Variants in AKR1D1 observed in about 807,000 individuals in gnomAD.
The protein encoded by AKR1D1 is aldo-keto reductase family 1 member D1, also known as delta(4)-3-ketosteroid 5-beta-reductase.
AKR1D1 carries 32 observed loss-of-function variants against 42.6 expected under a neutral mutation model. The observed-to-expected ratio is 0.75, with a 90% CI of 0.57 to 1.01. AKR1D1 has a LOEUF of 1.01. AKR1D1 is among the 50% of genes least tolerant of loss of function. The pLI is 0.00. For missense variants in AKR1D1, 364 were observed against 402.2 expected, an observed-to-expected ratio of 0.91 and a Z score of 0.81; for synonymous variants, 123 against 135.5, an observed-to-expected ratio of 0.91 and a Z score of 0.64.
intron 4 of AKR1D1, among the ~76,000 whole-genome samples, chr7:138,104,299 G>A (rs1794372848): frequency 6.6e-6 from 1 of 152,084 alleles, no homozygotes; most frequent in South Asian, 2.1e-4. Context: ...TATAACATGT[G>A]TGTATGTATA....
chr7:138,116,060 C>A (rs1794627041), intron 8 of AKR1D1, among the ~76,000 whole-genome samples: 1 of 147,756 alleles, frequency 6.8e-6, no homozygotes, highest in South Asian at 2.1e-4. Context: ...TACCTATAAT[C>A]CCTGCTACTT....
Position 138,116,720 on chromosome 7 carries a change from G to C in AKR1D1, c.*58G>C, listed in dbSNP as rs80147006. The C allele has an allele frequency of 0.02, 28,990 of 1,465,660 alleles. 349 individuals are homozygous for C. Among genetic ancestry groups the C allele is most frequent in the Non-Finnish European group, 0.024 (25,604 of 1,045,402 alleles). 90.8% of individuals were successfully genotyped at this position (1,465,660 alleles called of 1,614,324 possible). On this transcript the variant is annotated 3_prime_UTR_variant, in exon 9 of 9. Transcript: ENST00000242375. The stretch of plus-strand genomic sequence containing the variant: ...CCACGAGTGCCAAGACGGTGCAATG[G>C]GTAGTCCCCTAGATGTGAAAATGAA...
At chr7:138,083,762 G>C (rs79115045) in intron 1 of AKR1D1, among the ~76,000 whole-genome samples, 2,832 of 152,106 alleles carry the variant, frequency 0.019, 93 homozygotes, top group African/African-American at 0.064. Context: ...GACTTTTTGT[G>C]TATGGTGTAA....
At chr7:138,113,268 A>G (rs1794569070) in intron 7 of AKR1D1, among the ~76,000 whole-genome samples, 1 of 151,992 alleles carries the variant, frequency 6.6e-6, no homozygotes, top group Non-Finnish European at 1.5e-5. Context: ...GTGAGCCAAG[A>G]TGATACCACA....
At chr7:138,087,601 A>T (rs773081957) in intron 1 of AKR1D1, among the ~76,000 whole-genome samples, 7 of 152,210 alleles carry the variant, frequency 4.6e-5, no homozygotes, top group Non-Finnish European at 7.3e-5. Context: ...AGTATGACAT[A>T]TATACATCTG....
chr7:138,093,128 G>A (rs144886403), intron 3 of AKR1D1, among the ~76,000 whole-genome samples: 3,018 of 149,842 alleles, frequency 0.02, 296 homozygotes, highest in Admixed American at 0.17. Context: ...AAGTGCAGTG[G>A]TGCCATCTCG....
chr7:138,101,991 A>C (rs1794327843), intron 4 of AKR1D1, among the ~76,000 whole-genome samples: 1 of 152,198 alleles, frequency 6.6e-6, no homozygotes, highest in Non-Finnish European at 1.5e-5. Flanking sequence ...CAGGTGGATC[A>C]CATGAGGCCA....
intron 6 of AKR1D1, 154 bp from the exon 7 acceptor site, chr7:138,107,261 T>C (rs759681646): frequency 4.8e-6 from 4 of 827,354 alleles, no homozygotes; most frequent in Admixed American, 1.7e-5. Flanking sequence ...CTCCATTCAG[T>C]GCATACTCTG....
At chr7:138,106,083 C>T (rs1183834849) in intron 5 of AKR1D1, among the ~76,000 whole-genome samples, 1 of 152,130 alleles carries the variant, frequency 6.6e-6, no homozygotes, top group Non-Finnish European at 1.5e-5. Context: ...TTCTATTGCA[C>T]ATCAAATTAG....
chr7:138,078,654 T>C (rs1802990376), intron 1 of AKR1D1, among the ~76,000 whole-genome samples: 1 of 152,220 alleles, frequency 6.6e-6, no homozygotes, highest in Non-Finnish European at 1.5e-5. Flanking sequence ...CTCTCCCCCA[T>C]GTAAGTCCCT....
At chr7:138,100,024 G>GCTATAGTCAT in intron 4 of AKR1D1, among the ~76,000 whole-genome samples, 1 of 129,012 alleles carries the variant, frequency 7.8e-6, no homozygotes, top group South Asian at 2.6e-4. Context: ...GCCACAGTGT[G>GCTATAGTCAT]CTATAGTCAT....
chr7:138,094,028 T>G (rs1356666289), intron 3 of AKR1D1, among the ~76,000 whole-genome samples: 1 of 152,198 alleles, frequency 6.6e-6, no homozygotes, highest in Non-Finnish European at 1.5e-5. Flanking sequence ...CTAATGACAT[T>G]TACATCTTTT....
chr7:138,093,643 C>T (rs75566307), intron 3 of AKR1D1, among the ~76,000 whole-genome samples: 2,463 of 152,180 alleles, frequency 0.016, 64 homozygotes, highest in African/African-American at 0.055. Context: ...TCCTGAAAGA[C>T]CTGCCTGGCG....
Position 138,099,884 on chromosome 7 carries a change from A to C in AKR1D1, c.456+1941A>C, listed in dbSNP as rs566518528. 4.3e-5 allele frequency among the ~76,000 whole-genome samples: 6 copies of C among 138,914 alleles called. 1 individual carries two copies. The highest frequency in any genetic ancestry group is 6.3e-5 in the Non-Finnish European group (4 of 63,834). The allele number at this position is 138,914 out of a possible 152,430, so 91.1% of individuals were successfully genotyped here. ...GGGTAATAGTTAAAGAAAAAAAAAA[A>C]CACGAAGATCTTAAAGGGACCATGG... On this transcript the variant is annotated intron_variant, in intron 4 of 8. Coordinates refer to ENST00000242375, the MANE Select transcript of AKR1D1 (RefSeq NM_005989.4).
chr7:138,099,294 A>T (rs1231865812), intron 4 of AKR1D1, among the ~76,000 whole-genome samples: 1 of 152,196 alleles, frequency 6.6e-6, no homozygotes, highest in East Asian at 1.9e-4. Flanking sequence ...ATCCCCAGGA[A>T]AAAATGATTT....
At chr7:138,079,742 A>T (rs1803013383) in intron 1 of AKR1D1, among the ~76,000 whole-genome samples, 1 of 152,212 alleles carries the variant, frequency 6.6e-6, no homozygotes, top group Non-Finnish European at 1.5e-5. Context: ...TGACCCACCC[A>T]AACTTACGTT....
rs912339854 is a variant in AKR1D1 at position 138,117,735 on chromosome 7, A to G, written c.*1073A>G. On this transcript the variant is annotated 3_prime_UTR_variant, in exon 9 of 9. Coordinates refer to ENST00000242375, the MANE Select transcript of AKR1D1 (RefSeq NM_005989.4). ...CAATTCAACTACAGAAATATATTTT[A>G]TTGGCCGGGTGCGGTGGCTCATGCC... 3.3e-5 allele frequency: 5 copies of G among 152,204 alleles called. No homozygotes were observed. Among genetic ancestry groups the G allele is most frequent in the African/African-American group, 1.2e-4 (5 of 41,452 alleles). 9.4% of individuals were successfully genotyped at this position (152,204 alleles called of 1,614,324 possible). A position where few individuals can be genotyped will look rare whatever the true frequency, so the allele number is the denominator to read the frequency against.
chr7:138,100,767 C>G (rs1395609226), intron 4 of AKR1D1, among the ~76,000 whole-genome samples: 1 of 136,638 alleles, frequency 7.3e-6, no homozygotes, highest in African/African-American at 2.9e-5. Context: ...TGCAGTGGCG[C>G]GATCTCAGCT....
At chr7:138,103,459 A>G (rs989212269) in intron 4 of AKR1D1, among the ~76,000 whole-genome samples, 1 of 152,178 alleles carries the variant, frequency 6.6e-6, no homozygotes, top group Admixed American at 6.5e-5. Context: ...TAAAGAGTTA[A>G]GAAGAAACAG....
Sources: allele counts gnomAD v4.1 joint callset (sites outside exome capture counted in the v4.1 genomes callset), GRCh38; gene constraint gnomAD v4.1.1; transcripts MANE v1.5; gene names NCBI Gene and HGNC (gene_info 2026-07-23, HGNC 2026-07-21).